SMC6: variants seen among roughly 807,000 people sequenced by gnomAD.
SMC6 encodes the protein structural maintenance of chromosomes protein 6.
A neutral mutation model predicts 142.2 loss-of-function variants in SMC6; 79 were observed. The ratio of observed to expected loss-of-function variants is 0.56; its 90% CI spans 0.46 to 0.67. SMC6 has a LOEUF of 0.67. Ranked by LOEUF, SMC6 falls within the 30% of genes least tolerant of loss-of-function variation. The pLI is 0.00. For synonymous variants in SMC6, 411 were observed against 412.4 expected, an observed-to-expected ratio of 1.00 and a Z score of 0.04; for missense variants, 1,072 against 1,284.0, an observed-to-expected ratio of 0.83 and a Z score of 2.52.
intron 7 of SMC6, among the ~76,000 whole-genome samples, chr2:17,728,587 C>T (rs1669747709): frequency 6.6e-6 from 1 of 151,976 alleles, no homozygotes. Context: ...TGTCAGAATC[C>T]TAAGAAAAGC....
intron 25 of SMC6, among the ~76,000 whole-genome samples, chr2:17,673,473 A>C (rs1423907312): frequency 6.6e-6 from 1 of 152,032 alleles, no homozygotes; most frequent in African/African-American, 2.4e-5. Context: ...GCTTGTTTTA[A>C]ATTTAGGTCT....
chr2:17,697,465 C>A (rs974273182), intron 21 of SMC6, among the ~76,000 whole-genome samples: 4 of 151,938 alleles, frequency 2.6e-5, no homozygotes, highest in African/African-American at 9.7e-5. Flanking sequence ...AAACAGCCAA[C>A]ACATATCCAG....
intron 23 of SMC6, 70 bp downstream of exon 23, chr2:17,695,082 G>A: frequency 1.9e-6 from 3 of 1,542,580 alleles, no homozygotes; most frequent in East Asian, 2.3e-5. Context: ...ACATGTATAT[G>A]TTTTTCATTT....
At chr2:17,734,175 G>A (rs955412144) in intron 5 of SMC6, among the ~76,000 whole-genome samples, 1 of 152,120 alleles carries the variant, frequency 6.6e-6, no homozygotes, top group African/African-American at 2.4e-5. Context: ...GCAATTAAAA[G>A]AAAGCCCCAG....
chr2:17,753,020 CCT>C lies in SMC6; in HGVS notation c.-50_-49del. The C allele has an allele frequency of 1.0e-6, 1 of 985,196 alleles. No homozygotes were observed. Among genetic ancestry groups the C allele is most frequent in the Non-Finnish European group, 1.2e-6 (1 of 829,722 alleles). The allele number at this position is 985,196 out of a possible 1,614,324, so 61.0% of individuals were successfully genotyped here. On this transcript the variant is annotated 5_prime_UTR_variant, in exon 2 of 28. The change creates a premature stop within an existing upstream ORF in the 5' untranslated region. Coordinates refer to ENST00000448223, the MANE Select transcript of SMC6 (RefSeq NM_001142286.2). The stretch of plus-strand genomic sequence containing the variant: ...CTACAACCTTTCTCTACCCTAGAGT[CCT>C]GTTTTCCGCAATTCCCAATTGGGAT...
intron 24 of SMC6, chr2:17,681,944 T>C (rs1388034244): frequency 6.6e-6 from 1 of 152,142 alleles, no homozygotes; most frequent in South Asian, 2.1e-4. Flanking sequence ...TAAAGTGAAC[T>C]GCAGTAAAAT....
chr2:17,733,246 T>C (rs909623573), intron 5 of SMC6, among the ~76,000 whole-genome samples: 1 of 152,210 alleles, frequency 6.6e-6, no homozygotes, highest in Non-Finnish European at 1.5e-5. Context: ...GTAGACACAG[T>C]GAAGTGTTTG....
At chr2:17,737,414 T>C (rs953399520) in intron 5 of SMC6, among the ~76,000 whole-genome samples, 1 of 152,220 alleles carries the variant, frequency 6.6e-6, no homozygotes, top group Non-Finnish European at 1.5e-5. Flanking sequence ...AGCCTCATGC[T>C]AGAAGATGTA....
intron 17 of SMC6, among the ~76,000 whole-genome samples, chr2:17,707,583 A>T (rs1668612541): frequency 6.6e-6 from 1 of 152,130 alleles, no homozygotes; most frequent in Non-Finnish European, 1.5e-5. Flanking sequence ...AAAAGTCTTA[A>T]AACAGTTTAG....
chr2:17,745,696 G>T, intron 3 of SMC6, 131 bp downstream of exon 3: 2 of 919,280 alleles, frequency 2.2e-6, no homozygotes, highest in African/African-American at 1.7e-5. Flanking sequence ...AAATTACCCA[G>T]AACAGATTTT....
chr2:17,725,414 T>C (rs1669566118), intron 8 of SMC6, 56 bp from the exon 9 acceptor site: 5 of 1,239,812 alleles, frequency 4.0e-6, no homozygotes, highest in Admixed American at 5.5e-5. Context: ...TCCATAGAAC[T>C]GTTAAAAAGA....
At chr2:17,685,447 T>C (rs1667410337) in intron 23 of SMC6, among the ~76,000 whole-genome samples, 1 of 152,036 alleles carries the variant, frequency 6.6e-6, no homozygotes, top group Admixed American at 6.5e-5. Flanking sequence ...CCTTCAAACA[T>C]AAAAGCTAAA....
At position 17,744,979 on chromosome 2, in the gene SMC6, C is replaced by T. The variant is rs74367786; in HGVS notation, c.120+848G>A. The stretch of plus-strand genomic sequence containing the variant: ...ACATATAGTTGGCTTTTCCTATCTG[C>T]GGGTTCTGCAGATGTGAATACTCAG... On this transcript the variant is annotated intron_variant, in intron 3 of 27. Transcript: ENST00000448223. Among the ~76,000 whole-genome samples the T allele has an allele frequency of 4.7e-3, 720 of 152,218 alleles. 4 individuals carry two copies. The highest frequency in any genetic ancestry group is 0.016 in the African/African-American group (666 of 41,532).
chr2:17,717,983 C>A (rs577666130), intron 12 of SMC6, 94 bp downstream of exon 12: 120 of 1,305,492 alleles, frequency 9.2e-5, no homozygotes, highest in Middle Eastern at 8.3e-4. Flanking sequence ...AAGACTATTT[C>A]AAAAAAAATA....
rs908011618 is a variant in SMC6 at position 17,714,981 on chromosome 2, T to C, written c.1610A>G (p.His537Arg). Residue 537 changes from histidine to arginine, a missense_variant, in exon 16 of 28, where the codon CAT (histidine) becomes CGT (arginine). Physicochemically the swap from His to Arg is conservative, Grantham distance 29. Around this residue, in one of 3 missense-constraint regions of SMC6, gnomAD observed 994 missense variants for 1,153.2 expected, o/e 0.86. Coordinates refer to ENST00000448223, the MANE Select transcript of SMC6 (RefSeq NM_001142286.2). ...AAGGACCCTTTCATCAGCATGATTA[T>C]GGCAACAATAGGCCTGCAGAAGCCC... ...LKGLLQAYCC[H>R]NHADERVLQA... 2.5e-6 allele frequency: 4 copies of C among 1,614,086 alleles called. No individual in the cohort carries two copies. Among genetic ancestry groups the C allele is most frequent in the Admixed American group, 3.3e-5 (2 of 60,012 alleles).
intron 7 of SMC6, 109 bp downstream of exon 7, chr2:17,730,968 TG>T: frequency 1.3e-6 from 1 of 784,494 alleles, no homozygotes; most frequent in Non-Finnish European, 2.2e-6. Context: ...ATGCTTCCTG[TG>T]GTCAGTTTAC....
At chr2:17,672,969 TTAACAGACATCGACAG>T (rs1423211931) in intron 25 of SMC6, among the ~76,000 whole-genome samples, 2 of 152,192 alleles carry the variant, frequency 1.3e-5, no homozygotes, top group Non-Finnish European at 2.9e-5. Flanking sequence ...TGGAGCTGCT[TTAACAGACATCGACAG>T]AGAGGTTTCC....
chr2:17,731,970 A>C, intron 5 of SMC6, 93 bp from the exon 6 acceptor site: 1 of 1,364,418 alleles, frequency 7.3e-7, no homozygotes, highest in Non-Finnish European at 9.9e-7. Context: ...AAACCACCAA[A>C]TAATTTGGCC....
Position 17,731,805 on chromosome 2 carries a change from A to C in SMC6, c.417T>G (p.Ser139=), listed in dbSNP as rs1572344583. The C allele has an allele frequency of 1.2e-6, 2 of 1,613,786 alleles. No homozygotes were observed. The highest frequency in any genetic ancestry group is 1.7e-6 in the Non-Finnish European group (2 of 1,179,764). Residue 139 remains serine (S), a synonymous_variant, in exon 6 of 28, where the codon TCT becomes TCG. Coordinates refer to ENST00000448223, the MANE Select transcript of SMC6 (RefSeq NM_001142286.2). The part of the protein sequence containing the change: ...DAFKASVYGN[S]ILIQQHISID... ...TGCTGATGTGTTGCTGTATAAGTAT[A>C]GAGTTACCATACACACTGGCTTTAA...
Sources: gnomAD v4.1 joint callset for allele counts (sites outside exome capture counted in the v4.1 genomes callset) on GRCh38, gnomAD v4.1.1 for gene constraint, gnomAD v4.1.1 regional missense constraint, MANE v1.5 for transcripts, NCBI Gene and HGNC (gene_info 2026-07-23, HGNC 2026-07-21) for gene names.